The following SV2C variants were observed in gnomAD, a reference collection of about 807,000 sequenced individuals.
The protein encoded by SV2C is solute carrier family 22 member B3.
SV2C carries 49 observed loss-of-function variants against 79.7 expected under a neutral mutation model. The observed-to-expected ratio is 0.61, with a 90% CI of 0.49 to 0.78. The LOEUF (loss-of-function observed/expected upper bound fraction) is 0.78, where lower values mean the gene tolerates loss of function less well. Ranked by LOEUF, SV2C falls within the 30% of genes least tolerant of loss-of-function variation. The probability of loss-of-function intolerance (pLI) is 0.00; values close to 1 mark genes in which losing one functional copy is unlikely to be tolerated. For synonymous variants in SV2C, 334 were observed against 333.2 expected, an observed-to-expected ratio of 1.00 and a Z score of -0.03; for missense variants, 833 against 912.9, an observed-to-expected ratio of 0.91 and a Z score of 1.13.
chr5:76,336,630 T>C (rs968701533), downstream of SV2C, among the ~76,000 whole-genome samples: 1 of 151,178 alleles, frequency 6.6e-6, no homozygotes, highest in South Asian at 2.1e-4. Context: ...CCAGACTCCG[T>C]CCGCAATCCC....
intron 4 of SV2C, among the ~76,000 whole-genome samples, chr5:76,232,030 T>C (rs1745437797): frequency 6.8e-6 from 1 of 146,844 alleles, no homozygotes; most frequent in South Asian, 2.1e-4. Context: ...TCCACAATGG[T>C]TGAACTAGTT....
At chr5:76,202,961 T>C (rs978121876) in intron 3 of SV2C, among the ~76,000 whole-genome samples, 4 of 152,380 alleles carry the variant, frequency 2.6e-5, no homozygotes, top group Non-Finnish European at 5.9e-5. Flanking sequence ...TGTTTTGTTT[T>C]AATGTCTCTT....
At chr5:76,127,534 G>T (rs1044454120) in intron 1 of SV2C, among the ~76,000 whole-genome samples, 3 of 152,174 alleles carry the variant, frequency 2.0e-5, no homozygotes, top group Non-Finnish European at 4.4e-5. Context: ...AGCTTAGCAT[G>T]ATGAGTAGGG....
At chr5:75,904,856 C>A in the SV2C span, among the ~76,000 whole-genome samples, 1 of 152,114 alleles carries the variant, frequency 6.6e-6, no homozygotes, top group African/African-American at 2.4e-5. Flanking sequence ...TATATCTTAG[C>A]GAGAATTAAC....
chr5:76,026,102 T>C, the SV2C span, among the ~76,000 whole-genome samples: 2 of 151,816 alleles, frequency 1.3e-5, no homozygotes, highest in Non-Finnish European at 2.9e-5. Context: ...AAATGGATAA[T>C]GCATCTCAGG....
chr5:75,958,869 C>G, the SV2C span, among the ~76,000 whole-genome samples: 2 of 151,882 alleles, frequency 1.3e-5, no homozygotes, highest in Non-Finnish European at 2.9e-5. Context: ...TCAACCTCAA[C>G]CCTTTGATGG....
At chr5:76,020,844 T>TTA in the SV2C span, among the ~76,000 whole-genome samples, 1 of 152,150 alleles carries the variant, frequency 6.6e-6, no homozygotes, top group Admixed American at 6.5e-5. Context: ...TCCACATTGC[T>TTA]TACTGAAGGC....
intron 4 of SV2C, among the ~76,000 whole-genome samples, chr5:76,266,981 TG>T (rs1746681151): frequency 1.3e-5 from 2 of 152,248 alleles, no homozygotes; most frequent in South Asian, 4.2e-4. Flanking sequence ...AACTGGGAGG[TG>T]GCACCAGCTA....
At chr5:76,071,608 A>G in the SV2C span, among the ~76,000 whole-genome samples, 1 of 152,220 alleles carries the variant, frequency 6.6e-6, no homozygotes, top group Admixed American at 6.5e-5. Context: ...CTGCTTCTCA[A>G]AAAGCCATTT....
At chr5:76,256,353 A>C (rs1476850912) in intron 4 of SV2C, among the ~76,000 whole-genome samples, 2 of 152,224 alleles carry the variant, frequency 1.3e-5, no homozygotes, top group African/African-American at 4.8e-5. Context: ...GCAACCCCAG[A>C]GTCTGAATTG....
At chr5:76,062,727 G>A in the SV2C span, among the ~76,000 whole-genome samples, 1 of 152,046 alleles carries the variant, frequency 6.6e-6, no homozygotes, top group African/African-American at 2.4e-5. Context: ...AATAAGAAAG[G>A]CTCTTTATTG....
intron 2 of SV2C, among the ~76,000 whole-genome samples, chr5:76,193,473 A>G (rs1394479079): frequency 6.6e-6 from 1 of 152,154 alleles, no homozygotes; most frequent in African/African-American, 2.4e-5. Context: ...GCTTCACATC[A>G]CCTGGTTTCT....
At chr5:76,110,635 G>A (rs1417270828) in intron 1 of SV2C, among the ~76,000 whole-genome samples, 2 of 152,246 alleles carry the variant, frequency 1.3e-5, no homozygotes, top group Admixed American at 1.3e-4. Context: ...CAAGGTTGGT[G>A]TGCAGAAGTG....
the SV2C span, chr5:75,910,939 C>A: frequency 1.1e-6 from 1 of 914,412 alleles, no homozygotes; most frequent in Non-Finnish European, 1.8e-6. Flanking sequence ...TATCAAGCAG[C>A]AGCAGGCTCT....
Position 76,131,422 on chromosome 5 carries a change from TA to T in SV2C, c.-101-226del, listed in dbSNP as rs369947827. On this transcript the variant is annotated intron_variant, in intron 1 of 12. Transcript: ENST00000502798. ...GATAGAATTCCTTAAAATAAAACAATAATAATAGCAGCGAAAACCCTAAATA... is the reference window on the plus strand; with the variant it reads ...GATAGAATTCCTTAAAATAAAACAATATAATAGCAGCGAAAACCCTAAATA... Among the ~76,000 whole-genome samples the T allele has an allele frequency of 3.4e-3, 506 of 149,580 alleles. 1 individual carries two copies. Among genetic ancestry groups the T allele is most frequent in the Non-Finnish European group, 5.6e-3 (375 of 67,526 alleles).
the SV2C span, among the ~76,000 whole-genome samples, chr5:76,000,606 C>CATTTTACCTATA: frequency 6.6e-6 from 1 of 152,184 alleles, no homozygotes; most frequent in Non-Finnish European, 1.5e-5. Flanking sequence ...TACCTATAAG[C>CATTTTACCTATA]AGCATTTACT....
chr5:75,969,241 T>C, the SV2C span, among the ~76,000 whole-genome samples: 1 of 152,122 alleles, frequency 6.6e-6, no homozygotes, highest in Non-Finnish European at 1.5e-5. Flanking sequence ...GTAAAGACCA[T>C]CAAGCCTAGG....
At chr5:76,206,599 C>T (rs1744615654) in intron 3 of SV2C, among the ~76,000 whole-genome samples, 1 of 152,282 alleles carries the variant, frequency 6.6e-6, no homozygotes, top group South Asian at 2.1e-4. Flanking sequence ...ACAGATTACT[C>T]CAGGAGACTT....
Position 76,331,672 on chromosome 5 carries a change from G to GT in SV2C, c.*6133dup, listed in dbSNP as rs1028581522. 2.4e-4 allele frequency: 37 copies of GT among 151,928 alleles called. No homozygotes were observed. The highest frequency in any genetic ancestry group is 8.5e-4 in the African/African-American group (35 of 41,388). 9.4% of individuals were successfully genotyped at this position (151,928 alleles called of 1,614,324 possible). A position where few individuals can be genotyped will look rare whatever the true frequency, so the allele number is the denominator to read the frequency against. ...CACTCATTTCCTTTATTTCCCTTTTGTTTTTTTTCTTTTCCTCCTCTGGTC... is the reference window on the plus strand; with the variant it reads ...CACTCATTTCCTTTATTTCCCTTTTGTTTTTTTTTCTTTTCCTCCTCTGGTC... On this transcript the variant is annotated 3_prime_UTR_variant, in exon 13 of 13. Transcript: ENST00000502798.
Sources: allele counts gnomAD v4.1 joint callset (sites outside exome capture counted in the v4.1 genomes callset), GRCh38; gene constraint gnomAD v4.1.1; transcripts MANE v1.5; gene names NCBI Gene and HGNC (gene_info 2026-07-23, HGNC 2026-07-21).